LMNTD1: variants seen among roughly 807,000 people sequenced by gnomAD.
LMNTD1 encodes lamin tail domain-containing protein 1.
Under a neutral mutation model 50.9 loss-of-function variants are expected in LMNTD1, and 35 were observed. The observed-to-expected ratio is 0.69, with a 90% CI of 0.53 to 0.91. The LOEUF (loss-of-function observed/expected upper bound fraction) is 0.91. Among genes scored for constraint, LMNTD1 ranks in the 40% least tolerant of loss-of-function variants. The pLI is 0.00. For missense variants in LMNTD1, 470 were observed against 475.5 expected, an observed-to-expected ratio of 0.99 and a Z score of 0.11; for synonymous variants, 153 against 161.9, an observed-to-expected ratio of 0.94 and a Z score of 0.42.
chr12:25,521,403 T>G (rs1422863362), intron 6 of LMNTD1, among the ~76,000 whole-genome samples: 1 of 152,006 alleles, frequency 6.6e-6, no homozygotes, highest in Non-Finnish European at 1.5e-5. Context: ...ATTTACCATG[T>G]AAAATATGGT....
chr12:25,489,485 C>G (rs1938807667), intron 9 of LMNTD1, among the ~76,000 whole-genome samples: 1 of 143,552 alleles, frequency 7.0e-6, no homozygotes, highest in African/African-American at 2.6e-5. Context: ...CCTGCTTTGG[C>G]TCGCGCACGG....
upstream of LMNTD1, among the ~76,000 whole-genome samples, chr12:25,557,895 C>T (rs1046479498): frequency 1.3e-5 from 2 of 152,164 alleles, no homozygotes; most frequent in Non-Finnish European, 2.9e-5. Context: ...GGAGCCAAAG[C>T]CTGTAACACA....
rs1347959851 is a variant in LMNTD1, at chr12:25,643,836, T to C, written c.58+4658A>G. On this transcript the variant is annotated intron_variant, in intron 1 of 7. Coordinates refer to the LMNTD1 transcript ENST00000445693. ...TACCAGGTAGTTAGTTGATTATGAG[T>C]CCAAAATTCAGGGTGTCGGATGAAT... Among the ~76,000 whole-genome samples the C allele has an allele frequency of 3.3e-5, 5 of 152,074 alleles. No individual in the cohort carries two copies. In the East Asian group the frequency reaches 9.6e-4, roughly 29 times the overall value.
chr12:25,611,766 A>G (rs949722555), intron 1 of LMNTD1, among the ~76,000 whole-genome samples: 6 of 152,218 alleles, frequency 3.9e-5, no homozygotes, highest in African/African-American at 1.4e-4. Flanking sequence ...GGTCTTGGAA[A>G]ATGAGCCTGA....
At chr12:25,537,944 G>A (rs1432624128) in intron 4 of LMNTD1, among the ~76,000 whole-genome samples, 5 of 148,666 alleles carry the variant, frequency 3.4e-5, no homozygotes, top group South Asian at 2.2e-4. Context: ...CTCAGGAGCC[G>A]ATGCGATCAA....
In LMNTD1 at chr12:25,526,127, A is replaced by T; in HGVS notation, c.770T>A (p.Ile257Lys). The change falls in exon 6 of 10, where the codon ATA becomes AAA. Residue 257 changes from isoleucine to lysine, a missense_variant. By Grantham distance (102) the Ile-to-Lys change is moderately radical (BLOSUM62 -3). Transcript: ENST00000458174. ...ACCGTTCGGTTTGCACAGGATTGTTATACAATCAGGACTTGCTCTAAACTT... is the reference window on the plus strand; with the variant it reads ...ACCGTTCGGTTTGCACAGGATTGTTTTACAATCAGGACTTGCTCTAAACTT... Reference protein sequence around the residue: ...QDKFRASPDCITILCKPNGQA... With the variant: ...QDKFRASPDCKTILCKPNGQA... The T allele has an allele frequency of 6.2e-7, 1 of 1,607,036 alleles. No individual in the cohort carries two copies. The highest frequency in any genetic ancestry group is 2.2e-5 in the East Asian group (1 of 44,506).
chr12:25,514,673 ATTGT>A (rs1191299255), intron 8 of LMNTD1, among the ~76,000 whole-genome samples: 2 of 152,144 alleles, frequency 1.3e-5, no homozygotes, highest in African/African-American at 2.4e-5. Flanking sequence ...GTGTAATTGG[ATTGT>A]TTGTAACTCA....
chr12:25,581,943 T>C lies in LMNTD1; in HGVS notation c.59-35389A>G, dbSNP rs111801689. On this transcript the variant is annotated intron_variant, in intron 1 of 7. Transcript: ENST00000445693. ...CCACTGTCATATTTGAAGTCCATCATTGATCGAAAGATCTTTATGCAGGAC... is the reference window on the plus strand; with the variant it reads ...CCACTGTCATATTTGAAGTCCATCACTGATCGAAAGATCTTTATGCAGGAC... Among the ~76,000 whole-genome samples, 574 of 152,378 alleles carry C rather than the reference T, an allele frequency of 3.8e-3. 6 individuals are homozygous for C. Among genetic ancestry groups the C allele is most frequent in the African/African-American group, 0.013 (555 of 41,594 alleles).
chr12:25,625,733 G>A (rs1012706470), intron 1 of LMNTD1, among the ~76,000 whole-genome samples: 3 of 152,154 alleles, frequency 2.0e-5, no homozygotes, highest in African/African-American at 4.8e-5. Context: ...GGTTGCCAGA[G>A]CCCTGCCTGG....
At chr12:25,590,842 A>T (rs1320348272) in intron 1 of LMNTD1, among the ~76,000 whole-genome samples, 3 of 152,158 alleles carry the variant, frequency 2.0e-5, no homozygotes, top group Non-Finnish European at 4.4e-5. Flanking sequence ...AATCTGCTGT[A>T]TTGAAGGGAG....
chr12:25,635,992 A>G (rs1592126878), intron 1 of LMNTD1, among the ~76,000 whole-genome samples: 1 of 152,350 alleles, frequency 6.6e-6, no homozygotes, highest in East Asian at 1.9e-4. Flanking sequence ...CTCAAGATGG[A>G]TCAAAGACTT....
intron 1 of LMNTD1, among the ~76,000 whole-genome samples, chr12:25,589,363 C>T (rs547755152): frequency 6.6e-6 from 1 of 152,092 alleles, no homozygotes; most frequent in African/African-American, 2.4e-5. Flanking sequence ...CATATATGCA[C>T]GTTAGGGATA....
chr12:25,601,352 G>A (rs533528933), intron 1 of LMNTD1, among the ~76,000 whole-genome samples: 2 of 151,332 alleles, frequency 1.3e-5, no homozygotes, highest in South Asian at 2.1e-4. Flanking sequence ...GTTAATGGGT[G>A]AACAAAAAAA....
chr12:25,476,829 G>A (rs958857265), intron 9 of LMNTD1, among the ~76,000 whole-genome samples: 3 of 152,126 alleles, frequency 2.0e-5, no homozygotes, highest in Non-Finnish European at 4.4e-5. Context: ...CTGGATAACT[G>A]ACTAATGGAA....
Position 25,549,503 on chromosome 12 carries a change from G to A in LMNTD1, c.133C>T (p.Pro45Ser). 6.2e-7 allele frequency: 1 copy of A among 1,612,632 alleles called. No individual in the cohort carries two copies. Among genetic ancestry groups the A allele is most frequent in the African/African-American group, 1.3e-5 (1 of 74,916 alleles). Residue 45 changes from proline to serine, a missense_variant, in exon 3 of 10, where the codon CCA becomes TCA. By Grantham distance (74) the Pro-to-Ser change is moderately conservative. Transcript: ENST00000458174. ...LGVYSLVHFSPKMLGSVATTL... is the reference protein window; with the variant it reads ...LGVYSLVHFSSKMLGSVATTL... Reference sequence around the variant, plus strand: ...GTGGCAACTGAACCCAACATCTTTGGGGAAAAATGTACTAAAGAATATACT... The same window carrying A: ...GTGGCAACTGAACCCAACATCTTTGAGGAAAAATGTACTAAAGAATATACT...
chr12:25,535,034 A>G (rs1245152738), intron 4 of LMNTD1, among the ~76,000 whole-genome samples: 2 of 152,246 alleles, frequency 1.3e-5, no homozygotes, highest in Non-Finnish European at 2.9e-5. Context: ...AAATTGAAAA[A>G]TACAACCCAT....
At chr12:25,555,758 G>C (rs1271893966), upstream of LMNTD1, among the ~76,000 whole-genome samples, 5 of 152,082 alleles carry the variant, frequency 3.3e-5, no homozygotes, top group Admixed American at 6.6e-5. Context: ...CTGAGTAATA[G>C]TTACATGGAG....
chr12:25,543,223 C>G (rs1257214279), intron 4 of LMNTD1, among the ~76,000 whole-genome samples: 1 of 151,916 alleles, frequency 6.6e-6, no homozygotes, highest in African/African-American at 2.4e-5. Context: ...TACACAATCT[C>G]TTCTAGAAAA....
At chr12:25,573,909 A>C in intron 1 of LMNTD1, among the ~76,000 whole-genome samples, 1 of 152,046 alleles carries the variant, frequency 6.6e-6, no homozygotes, top group East Asian at 1.9e-4. Flanking sequence ...ACCCTGCCCT[A>C]GATATCCCTC....
Sources: gnomAD v4.1 joint callset for allele counts (sites outside exome capture counted in the v4.1 genomes callset) on GRCh38, gnomAD v4.1.1 for gene constraint, MANE v1.5 for transcripts, NCBI Gene and HGNC (gene_info 2026-07-23, HGNC 2026-07-21) for gene names.